The following PCDH9 variants were observed in gnomAD, a reference collection of about 807,000 sequenced individuals.
PCDH9 encodes the protein protocadherin 9.
A neutral mutation model predicts 70.6 loss-of-function variants in PCDH9; 24 were observed. The observed-to-expected ratio is 0.34, with a 90% CI of 0.25 to 0.48. The LOEUF is 0.48. Among genes scored for constraint, PCDH9 ranks in the 20% least tolerant of loss-of-function variants. PCDH9 has a pLI of 0.99. For synonymous variants in PCDH9, 562 were observed against 558.5 expected, an observed-to-expected ratio of 1.01 and a Z score of -0.09; for missense variants, 1,281 against 1,503.6, an observed-to-expected ratio of 0.85 and a Z score of 2.45.
chr13:66,650,711 T>C (rs1224581979), intron 3 of PCDH9, among the ~76,000 whole-genome samples: 19 of 152,054 alleles, frequency 1.2e-4, no homozygotes, highest in Middle Eastern at 3.4e-3. Flanking sequence ...TAATATTTCA[T>C]CCAACAGCTG....
At chr13:66,500,510 T>C (rs1959171565) in intron 4 of PCDH9, among the ~76,000 whole-genome samples, 1 of 152,104 alleles carries the variant, frequency 6.6e-6, no homozygotes, top group South Asian at 2.1e-4. Context: ...TGTTTGTTTG[T>C]TTGTTTTTTT....
intron 3 of PCDH9, among the ~76,000 whole-genome samples, chr13:66,663,706 C>T (rs577046207): frequency 1.3e-5 from 2 of 152,094 alleles, no homozygotes; most frequent in Non-Finnish European, 2.9e-5. Context: ...TTATAAAAAT[C>T]GAAATATCCT....
chr13:66,565,648 A>T (rs548979824), intron 4 of PCDH9, among the ~76,000 whole-genome samples: 1 of 152,284 alleles, frequency 6.6e-6, no homozygotes, highest in Admixed American at 6.5e-5. Context: ...CAATCATAAG[A>T]TTTTGTGTGT....
intron 4 of PCDH9, among the ~76,000 whole-genome samples, chr13:66,398,764 T>C (rs964773564): frequency 6.6e-6 from 1 of 152,208 alleles, no homozygotes; most frequent in African/African-American, 2.4e-5. Context: ...AATGAAAGTA[T>C]GATTTTCATC....
At chr13:66,368,417 A>G (rs997245016) in intron 4 of PCDH9, among the ~76,000 whole-genome samples, 1 of 151,972 alleles carries the variant, frequency 6.6e-6, no homozygotes, top group African/African-American at 2.4e-5. Flanking sequence ...TTAGTGCTCA[A>G]TTATTAGGCT....
At chr13:66,926,003 T>A (rs1368678650) in intron 2 of PCDH9, among the ~76,000 whole-genome samples, 1 of 151,942 alleles carries the variant, frequency 6.6e-6, no homozygotes, top group African/African-American at 2.4e-5. Flanking sequence ...AAAGTATGAG[T>A]TTAAATAGAA....
chr13:67,194,796 A>C (rs924318542), intron 2 of PCDH9, among the ~76,000 whole-genome samples: 1 of 152,178 alleles, frequency 6.6e-6, no homozygotes, highest in Non-Finnish European at 1.5e-5. Context: ...ACTTTTTGAC[A>C]TGAGGGGCAC....
intron 3 of PCDH9, among the ~76,000 whole-genome samples, chr13:66,714,159 T>C (rs1356789976): frequency 2.6e-5 from 4 of 152,160 alleles, no homozygotes; most frequent in Non-Finnish European, 5.9e-5. Context: ...ATATTGATTT[T>C]AAATATTGTT....
At chr13:67,134,894 A>C (rs919874157) in intron 2 of PCDH9, among the ~76,000 whole-genome samples, 1 of 152,128 alleles carries the variant, frequency 6.6e-6, no homozygotes, top group Non-Finnish European at 1.5e-5. Flanking sequence ...AGATAAAGTC[A>C]CGCTGTGTTG....
At chr13:66,683,238 A>G (rs2078352857) in intron 3 of PCDH9, among the ~76,000 whole-genome samples, 1 of 152,084 alleles carries the variant, frequency 6.6e-6, no homozygotes, top group Admixed American at 6.6e-5. Context: ...CTCATAAACT[A>G]TCTGCCTAGT....
intron 3 of PCDH9, among the ~76,000 whole-genome samples, chr13:66,846,574 TTTTC>T (rs2081214418): frequency 1.3e-5 from 2 of 152,136 alleles, no homozygotes; most frequent in Admixed American, 6.5e-5. Context: ...TTACATTCCT[TTTTC>T]TTTATTTTTC....
intron 3 of PCDH9, among the ~76,000 whole-genome samples, chr13:66,638,572 A>T (rs1170640237): frequency 6.6e-6 from 1 of 152,034 alleles, no homozygotes; most frequent in East Asian, 1.9e-4. Flanking sequence ...TTAATGAGCA[A>T]TTTTTTTTCA....
chr13:66,744,556 A>T (rs1434720587), intron 3 of PCDH9, among the ~76,000 whole-genome samples: 2 of 152,180 alleles, frequency 1.3e-5, no homozygotes, highest in African/African-American at 4.8e-5. Context: ...ATACATTCCC[A>T]GTACTTGTTT....
intron 4 of PCDH9, among the ~76,000 whole-genome samples, chr13:66,467,553 CTTCTGT>C (rs1309521839): frequency 6.6e-6 from 1 of 152,034 alleles, no homozygotes; most frequent in Admixed American, 6.6e-5. Context: ...TCAAGCTTTC[CTTCTGT>C]TTCTAAGACT....
chr13:66,751,836 T>A (rs1391966757), intron 3 of PCDH9, among the ~76,000 whole-genome samples: 1 of 152,224 alleles, frequency 6.6e-6, no homozygotes, highest in Non-Finnish European at 1.5e-5. Flanking sequence ...CCAATTTTGC[T>A]TCTACAGCAG....
chr13:66,747,287 G>C (rs368628721), intron 3 of PCDH9, among the ~76,000 whole-genome samples: 1 of 152,282 alleles, frequency 6.6e-6, no homozygotes, highest in East Asian at 1.9e-4. Flanking sequence ...GGAGGTGAAG[G>C]TTGCAGTGAG....
At chr13:66,694,793 C>A (rs1305440612) in intron 3 of PCDH9, among the ~76,000 whole-genome samples, 1 of 151,812 alleles carries the variant, frequency 6.6e-6, no homozygotes, top group Non-Finnish European at 1.5e-5. Context: ...TTCGTGTTTG[C>A]ATATTCAGAA....
chr13:66,952,000 G>A (rs2083190215), intron 2 of PCDH9, among the ~76,000 whole-genome samples: 1 of 152,082 alleles, frequency 6.6e-6, no homozygotes, highest in African/African-American at 2.4e-5. Context: ...CTAAAGTAGG[G>A]GTGAGCATCT....
chr13:66,710,022 G>A (rs1184443430), intron 3 of PCDH9, among the ~76,000 whole-genome samples: 2 of 151,882 alleles, frequency 1.3e-5, no homozygotes, highest in Admixed American at 6.6e-5. Context: ...AGACAGTTGA[G>A]GGTTAAAAAT....
Sources: allele counts gnomAD v4.1 joint callset (sites outside exome capture counted in the v4.1 genomes callset), GRCh38; gene constraint gnomAD v4.1.1; transcripts MANE v1.5; gene names NCBI Gene and HGNC (gene_info 2026-07-23, HGNC 2026-07-21).